Variants in ATXN2 observed in about 807,000 individuals in gnomAD.
ATXN2 encodes the protein ataxin-2.
In ATXN2, 37 loss-of-function variants were observed where a neutral mutation model predicts 138.6. The observed-to-expected ratio is 0.27, with a 90% CI of 0.21 to 0.35. The LOEUF (loss-of-function observed/expected upper bound fraction) is 0.35, where lower values mean the gene tolerates loss of function less well. ATXN2 is among the 10% of genes least tolerant of loss of function. The pLI, the probability that ATXN2 is intolerant of heterozygous loss-of-function variation, is 1.00. For missense variants in ATXN2, 1,216 were observed against 1,480.3 expected (o/e 0.82, Z 2.93); for synonymous variants, 549 against 543.7 (o/e 1.01, Z -0.13).
intron 10 of ATXN2, 72 bp from the exon 11 acceptor site, chr12:111,513,611 C>G: frequency 7.3e-7 from 1 of 1,366,758 alleles, no homozygotes; most frequent in South Asian, 1.4e-5. Flanking sequence ...CTAAATACAC[C>G]CATTCACACA....
intron 20 of ATXN2, chr12:111,469,385 T>C (rs1436459837): frequency 6.6e-6 from 1 of 152,210 alleles, no homozygotes. Flanking sequence ...TTATTTTAAA[T>C]TATCAACAGT....
rs533417274 is a variant in ATXN2, at chr12:111,493,237, T to C, written c.1936-4457A>G. 4.6e-4 allele frequency among the ~76,000 whole-genome samples: 70 copies of C among 152,092 alleles called. 2 individuals carry two copies. The East Asian group carries it at 0.012, about 25-fold the overall frequency. On this transcript the variant is annotated intron_variant, in intron 14 of 24. Coordinates refer to ENST00000673436, the MANE Select transcript of ATXN2 (RefSeq NM_001372574.1). ...GAGCTCAAGACCAGCCTGGCAAATATGGCAAAACCCCGTCTTTACTAAAAA... is the reference window on the plus strand; with the variant it reads ...GAGCTCAAGACCAGCCTGGCAAATACGGCAAAACCCCGTCTTTACTAAAAA...
intron 1 of ATXN2, chr12:111,565,030 C>T (rs765695405): frequency 6.6e-6 from 1 of 152,106 alleles, no homozygotes; most frequent in African/African-American, 2.4e-5. Context: ...GCCTCCAGTA[C>T]TTCTAAAATA....
chr12:111,562,877 C>A (rs1328551729), intron 1 of ATXN2, among the ~76,000 whole-genome samples: 2 of 151,934 alleles, frequency 1.3e-5, no homozygotes, highest in Non-Finnish European at 2.9e-5. Flanking sequence ...TATATAACCA[C>A]AAAGTAACTC....
chr12:111,516,276 G>A lies in ATXN2; in HGVS notation c.1253C>T (p.Ala418Val). 1 of 1,573,676 alleles carries A rather than the reference G, an allele frequency of 6.4e-7. No homozygotes were observed. The highest frequency in any genetic ancestry group is 8.6e-7 in the Non-Finnish European group (1 of 1,165,268). The change falls in exon 10 of 25, where the codon GCA becomes GTA. Residue 418 changes from alanine to valine, a missense_variant. Transcript: ENST00000673436. This position sits in a 1 kb window ranked among gnomAD's most constrained non-coding sequence, Gnocchi z 5.0. The stretch of plus-strand genomic sequence containing the variant: ...GGAGGGCGGCCGTGTAGGGGTGGCT[G>A]CCCGAGGTGGAAGAGAGTTGGGACC... ...QSGPNSLPPR[A>V]ATPTRPPSRP...
chr12:111,577,521 T>C (rs1883741603), intron 1 of ATXN2, among the ~76,000 whole-genome samples: 1 of 152,012 alleles, frequency 6.6e-6, no homozygotes, highest in South Asian at 2.1e-4. Context: ...CGCCTCGGCC[T>C]CCCAAAGTGC....
intron 1 of ATXN2, among the ~76,000 whole-genome samples, chr12:111,583,468 C>T (rs761348729): frequency 5.9e-5 from 9 of 151,590 alleles, no homozygotes; most frequent in Non-Finnish European, 7.4e-5. Context: ...ATTTTAGTTA[C>T]TGAAGAGTGA....
At position 111,462,977 on chromosome 12, in the gene ATXN2, T is replaced by TATACAC. The variant is rs536560720; in HGVS notation, c.2896+1684_2896+1685insGTGTAT. Among the ~76,000 whole-genome samples the TATACAC allele has an allele frequency of 8.1e-3, 1,197 of 147,852 alleles. 135 individuals carry two copies. The East Asian group carries it at 0.22, about 27-fold the overall frequency. On this transcript the variant is annotated intron_variant, in intron 21 of 24. Transcript: ENST00000673436. ...ATACACACATACATATATATATATA[T>TATACAC]ACACACACACACACACACACACACA...
At chr12:111,493,864 T>G (rs1236534423) in intron 14 of ATXN2, among the ~76,000 whole-genome samples, 1 of 152,072 alleles carries the variant, frequency 6.6e-6, no homozygotes, top group East Asian at 1.9e-4. Context: ...CCTAACCTTG[T>G]GATTCGCCCC....
chr12:111,459,852 C>T (rs1399245058), intron 21 of ATXN2, among the ~76,000 whole-genome samples: 1 of 151,288 alleles, frequency 6.6e-6, no homozygotes, highest in Non-Finnish European at 1.5e-5. Context: ...ACTCCTGCTT[C>T]AGCCTCTGAG....
In ATXN2 at chr12:111,573,019, T is replaced by C. The variant is rs549282379; in HGVS notation, c.252-17100A>G. Reference sequence around the variant, plus strand: ...GCTGCAGAAAACTAACCATCATTTATGATGTTGTTTCCAAATTTCAAAATT... The same window carrying C: ...GCTGCAGAAAACTAACCATCATTTACGATGTTGTTTCCAAATTTCAAAATT... On this transcript the variant is annotated intron_variant, in intron 1 of 24. Transcript: ENST00000673436. Among the ~76,000 whole-genome samples the C allele has an allele frequency of 1.1e-4, 17 of 151,982 alleles. No homozygotes were observed. The South Asian group carries it at 3.5e-3, about 32-fold the overall frequency.
intron 18 of ATXN2, among the ~76,000 whole-genome samples, chr12:111,482,168 A>C (rs1187274812): frequency 6.7e-6 from 1 of 149,296 alleles, no homozygotes; most frequent in South Asian, 2.2e-4. Context: ...CCCGGCCAAC[A>C]TGGCAAAGCC....
intron 1 of ATXN2, among the ~76,000 whole-genome samples, chr12:111,571,601 C>A (rs1387743002): frequency 6.6e-6 from 1 of 151,922 alleles, no homozygotes; most frequent in African/African-American, 2.4e-5. Context: ...AAATGGAGGT[C>A]ATATTTTTGA....
rs984888961 is a variant in ATXN2 at position 111,554,040 on chromosome 12, C to G, written c.348+118G>C. The stretch of plus-strand genomic sequence containing the variant: ...TTCTAATCTATTTCTCTAAATCATC[C>G]TGACTAAACATGATCTAAGCAATGT... On this transcript the variant is annotated intron_variant, in intron 3 of 24. Transcript: ENST00000673436. 1.0e-4 allele frequency: 71 copies of G among 700,306 alleles called. 1 individual carries two copies. In the Admixed American group the frequency reaches 1.8e-3, roughly 17 times the overall value. 43.4% of individuals were successfully genotyped at this position (700,306 alleles called of 1,614,324 possible).
In ATXN2 at chr12:111,488,576, G is replaced by A. The variant is rs367947855; in HGVS notation, c.2140C>T (p.His714Tyr). ...GAAGTGACCTCAGGTCCCCTCTTGT[G>A]CTCCGTGTTACTAAGTATTGAAGGG... Reference protein sequence around the residue: ...ISPSILSNTEHKRGPEVTSQG... With the variant: ...ISPSILSNTEYKRGPEVTSQG... Residue 714 changes from histidine (H) to tyrosine (Y), a missense_variant, in exon 15 of 25, where the codon CAC becomes TAC. His to Tyr is a moderately conservative substitution (Grantham distance 83). Coordinates refer to ENST00000673436, the MANE Select transcript of ATXN2 (RefSeq NM_001372574.1). The A allele has an allele frequency of 1.6e-5, 26 of 1,614,046 alleles. No homozygotes were observed. The highest frequency in any genetic ancestry group is 2.1e-5 in the Non-Finnish European group (25 of 1,180,042).
At chr12:111,464,245 G>GGGGT (rs1875803187) in intron 21 of ATXN2, among the ~76,000 whole-genome samples, 1 of 113,206 alleles carries the variant, frequency 8.8e-6, no homozygotes, top group Non-Finnish European at 1.7e-5. Context: ...CTTGTGGCTT[G>GGGGT]GGGTGTGTGT....
At chr12:111,543,222 G>A (rs965299517) in intron 5 of ATXN2, among the ~76,000 whole-genome samples, 6 of 152,156 alleles carry the variant, frequency 3.9e-5, no homozygotes, top group African/African-American at 4.8e-5. Flanking sequence ...AGTTGAGGCC[G>A]TAAACAGCTT....
chr12:111,452,471 T>A lies in ATXN2; in HGVS notation c.*341A>T. On this transcript the variant is annotated 3_prime_UTR_variant, in exon 25 of 25. Coordinates refer to ENST00000673436, the MANE Select transcript of ATXN2 (RefSeq NM_001372574.1). Reference sequence around the variant, plus strand: ...TTTTTAGCAGTAATAGCAGCAAGAATCACTCTTGTTACTTCTTTTGCTAGC... The same window carrying A: ...TTTTTAGCAGTAATAGCAGCAAGAAACACTCTTGTTACTTCTTTTGCTAGC... The A allele has an allele frequency of 5.9e-6, 1 of 170,042 alleles. No individual in the cohort carries two copies. The highest frequency in any genetic ancestry group is 2.0e-4 in the South Asian group (1 of 5,072). The allele number at this position is 170,042 out of a possible 1,614,324, so 10.5% of individuals were successfully genotyped here.
intron 14 of ATXN2, among the ~76,000 whole-genome samples, chr12:111,508,693 C>G (rs1041565472): frequency 2.0e-5 from 3 of 151,948 alleles, no homozygotes. Context: ...GTGATCTGCC[C>G]ACCTCGGCCT....
Sources: gnomAD v4.1 joint callset for allele counts (sites outside exome capture counted in the v4.1 genomes callset) on GRCh38, gnomAD v4.1.1 for gene constraint, Gnocchi (gnomAD v3.1) non-coding constraint, MANE v1.5 for transcripts, NCBI Gene and HGNC (gene_info 2026-07-23, HGNC 2026-07-21) for gene names.